The following GMDS variants were observed in gnomAD, a reference collection of about 807,000 sequenced individuals.
GMDS encodes GDP-mannose 4,6-dehydratase.
Under a neutral mutation model 49.9 loss-of-function variants are expected in GMDS, and 20 were observed. The observed-to-expected ratio is 0.40, with a 90% confidence interval of 0.28 to 0.58. The LOEUF is 0.58. GMDS is among the 20% of genes least tolerant of loss of function. The probability of loss-of-function intolerance (pLI) is 0.42; values close to 1 mark genes in which losing one functional copy is unlikely to be tolerated. For missense variants in GMDS, 362 were observed against 481.4 expected, an observed-to-expected ratio of 0.75 and a Z score of 2.32; for synonymous variants, 177 against 178.6, an observed-to-expected ratio of 0.99 and a Z score of 0.07.
intron 1 of GMDS, among the ~76,000 whole-genome samples, chr6:2,145,333 G>A (rs1458626895): frequency 1.3e-5 from 2 of 151,944 alleles, no homozygotes; most frequent in African/African-American, 4.8e-5. Context: ...TCAGGAGTTC[G>A]AGACCATCCT....
chr6:1,924,540 T>C (rs990189892), intron 7 of GMDS, among the ~76,000 whole-genome samples: 1 of 152,168 alleles, frequency 6.6e-6, no homozygotes, highest in African/African-American at 2.4e-5. Flanking sequence ...GCTCCTACCA[T>C]TTAGCTTATC....
chr6:1,630,152 C>T (rs1762956359), intron 9 of GMDS, among the ~76,000 whole-genome samples: 1 of 152,194 alleles, frequency 6.6e-6, no homozygotes. Flanking sequence ...ATAAGCTACA[C>T]AGACAACATA....
At chr6:2,104,792 T>C (rs1220712417) in intron 4 of GMDS, among the ~76,000 whole-genome samples, 2 of 152,178 alleles carry the variant, frequency 1.3e-5, no homozygotes, top group Non-Finnish European at 2.9e-5. Context: ...AAACAAAAGT[T>C]GAAATTTTAA....
At chr6:2,030,279 C>T (rs1465661609) in intron 4 of GMDS, among the ~76,000 whole-genome samples, 2 of 152,126 alleles carry the variant, frequency 1.3e-5, no homozygotes, top group African/African-American at 4.8e-5. Context: ...GGGGGTGGTG[C>T]ATGGGAACAC....
At chr6:1,991,110 C>G (rs1000653595) in intron 4 of GMDS, among the ~76,000 whole-genome samples, 2 of 152,088 alleles carry the variant, frequency 1.3e-5, no homozygotes, top group African/African-American at 4.8e-5. Context: ...CAGACTATCC[C>G]CTTACCTCAC....
At chr6:1,904,435 C>T (rs900697256) in intron 7 of GMDS, among the ~76,000 whole-genome samples, 1 of 152,206 alleles carries the variant, frequency 6.6e-6, no homozygotes, top group Non-Finnish European at 1.5e-5. Flanking sequence ...ACACCAACAA[C>T]TGATAGTCCA....
chr6:1,674,714 A>T (rs12525117), intron 9 of GMDS, among the ~76,000 whole-genome samples: 6 of 142,668 alleles, frequency 4.2e-5, no homozygotes, highest in Admixed American at 3.6e-4. Context: ...CACCCAGCTA[A>T]TTTTTTTTTT....
intron 1 of GMDS, among the ~76,000 whole-genome samples, chr6:2,219,933 C>T (rs1239469412): frequency 6.6e-6 from 1 of 152,064 alleles, no homozygotes; most frequent in Admixed American, 6.5e-5. Flanking sequence ...CCCTCTGGTC[C>T]CAAGCATTTC....
At chr6:2,212,818 C>T (rs1780134611) in intron 1 of GMDS, among the ~76,000 whole-genome samples, 2 of 151,724 alleles carry the variant, frequency 1.3e-5, no homozygotes, top group South Asian at 4.2e-4. Flanking sequence ...TGACTATAAA[C>T]CATAAGAGCG....
intron 7 of GMDS, among the ~76,000 whole-genome samples, chr6:1,886,055 T>C (rs2113832105): frequency 1.3e-5 from 2 of 152,326 alleles, no homozygotes; most frequent in Admixed American, 1.3e-4. Context: ...AATTTCCTGC[T>C]TGGTCATTTG....
At chr6:1,686,732 C>G (rs1471349220) in intron 9 of GMDS, among the ~76,000 whole-genome samples, 1 of 152,130 alleles carries the variant, frequency 6.6e-6, no homozygotes, top group African/African-American at 2.4e-5. Flanking sequence ...TCACAGTGCA[C>G]AGTACATTAA....
chr6:1,999,528 T>C (rs1382587113), intron 4 of GMDS, among the ~76,000 whole-genome samples: 2 of 151,724 alleles, frequency 1.3e-5, no homozygotes, highest in Non-Finnish European at 2.9e-5. Flanking sequence ...GGCATGAAGA[T>C]TTTGCTACAG....
intron 7 of GMDS, among the ~76,000 whole-genome samples, chr6:1,913,290 A>C (rs983895728): frequency 2.0e-5 from 3 of 149,548 alleles, no homozygotes; most frequent in Non-Finnish European, 4.4e-5. Flanking sequence ...CTGAGGCAGG[A>C]GAATGGCGTG....
In GMDS at chr6:1,785,768, A is replaced by G. The variant is rs111735511; in HGVS notation, c.772-43182T>C. ...CTCTGGAAGAGCATGTGGGACTCCA[A>G]TGTGGTCGTATTTAGAGCATAATCT... On this transcript the variant is annotated intron_variant, in intron 7 of 10. Coordinates refer to ENST00000380815, the MANE Select transcript of GMDS (RefSeq NM_001500.4). 4.8e-3 allele frequency among the ~76,000 whole-genome samples: 734 copies of G among 152,334 alleles called. 6 individuals carry two copies. Among genetic ancestry groups the G allele is most frequent in the African/African-American group, 0.017 (705 of 41,574 alleles).
At chr6:1,839,923 AG>A (rs1561838692) in intron 7 of GMDS, among the ~76,000 whole-genome samples, 1 of 152,188 alleles carries the variant, frequency 6.6e-6, no homozygotes, top group Non-Finnish European at 1.5e-5. Flanking sequence ...CAATCGTGAA[AG>A]GAATATTTTG....
intron 7 of GMDS, among the ~76,000 whole-genome samples, chr6:1,891,548 A>G (rs373994732): frequency 1.3e-5 from 2 of 152,352 alleles, no homozygotes; most frequent in East Asian, 3.8e-4. Flanking sequence ...ACTTAGTATT[A>G]AGTACTTGAT....
At position 1,960,969 on chromosome 6, in the gene GMDS, G is replaced by A. The variant is rs76867654; in HGVS notation, c.346-3C>T. 1,231 of 1,513,016 alleles carry A rather than the reference G, an allele frequency of 8.1e-4. 7 individuals carry two copies. The African/African-American group carries it at 0.015, about 18-fold the overall frequency. 93.7% of individuals were successfully genotyped at this position (1,513,016 alleles called of 1,614,324 possible). On this transcript the variant is annotated splice_region_variant and splice_polypyrimidine_tract_variant and intron_variant, in intron 4 of 10. Coordinates refer to ENST00000380815, the MANE Select transcript of GMDS (RefSeq NM_001500.4). The stretch of plus-strand genomic sequence containing the variant: ...TACTCAGCGAGGTCAAAGGAAATCT[G>A]GAAAAAGCAGGCGGAGACAGGGCTG...
rs182999985 is a variant in GMDS, at chr6:1,705,260, G to A, written c.987+21156C>T. Among the ~76,000 whole-genome samples the A allele has an allele frequency of 1.5e-4, 23 of 152,306 alleles. 1 individual carries two copies. The East Asian group carries it at 2.7e-3, about 18-fold the overall frequency. On this transcript the variant is annotated intron_variant, in intron 9 of 10. Coordinates refer to ENST00000380815, the MANE Select transcript of GMDS (RefSeq NM_001500.4). ...TGCACAGAGCCTTTCCAAAGCCTCCGGAGAGCTTGGAGTTGAGATGTTTTG... is the reference window on the plus strand; with the variant it reads ...TGCACAGAGCCTTTCCAAAGCCTCCAGAGAGCTTGGAGTTGAGATGTTTTG...
chr6:2,235,384 TC>T (rs1363073463), intron 1 of GMDS, among the ~76,000 whole-genome samples: 1 of 151,988 alleles, frequency 6.6e-6, no homozygotes, highest in Non-Finnish European at 1.5e-5. Context: ...ATAAAATGCC[TC>T]CCCCAGGGAC....
Sources: allele counts gnomAD v4.1 joint callset (sites outside exome capture counted in the v4.1 genomes callset), GRCh38; gene constraint gnomAD v4.1.1; transcripts MANE v1.5; gene names NCBI Gene and HGNC (gene_info 2026-07-23, HGNC 2026-07-21).